Variants in ATF7IP observed in about 807,000 individuals in gnomAD.
ATF7IP encodes the protein activating transcription factor 7 interacting protein, also known as activating transcription factor 7-interacting protein 1.
A neutral mutation model predicts 106.4 loss-of-function variants in ATF7IP; 23 were observed. The ratio of observed to expected loss-of-function variants is 0.22; its 90% CI spans 0.16 to 0.31. The LOEUF is 0.31. Ranked by LOEUF, ATF7IP falls within the 10% of genes least tolerant of loss-of-function variation. ATF7IP has a pLI of 1.00. For synonymous variants in ATF7IP, 542 were observed against 539.0 expected (o/e 1.01, Z -0.08); for missense variants, 1,334 against 1,524.3 (o/e 0.88, Z 2.08).
At chr12:14,433,462 G>A (rs996015600) in intron 2 of ATF7IP, among the ~76,000 whole-genome samples, 3 of 151,978 alleles carry the variant, frequency 2.0e-5, no homozygotes, top group Non-Finnish European at 4.4e-5. Flanking sequence ...CCGAGATTGC[G>A]CTACTGTACA....
intron 13 of ATF7IP, among the ~76,000 whole-genome samples, chr12:14,494,659 A>G (rs767295078): frequency 1.5e-4 from 22 of 151,000 alleles, no homozygotes; most frequent in Middle Eastern, 3.5e-3. Context: ...TAGACTGGGC[A>G]TGGTAGCTCA....
chr12:14,478,480 TG>T lies in ATF7IP; in HGVS notation c.3097+9del. The stretch of plus-strand genomic sequence containing the variant: ...TACACTTACTACCTACAGGTAAATT[TG>T]TTGAATCATTGAGTAGAAGCTTTGG... On this transcript the variant is annotated intron_variant, in intron 12 of 14. Coordinates refer to ENST00000261168, the MANE Select transcript of ATF7IP (RefSeq NM_018179.5). 6.2e-7 allele frequency: 1 copy of T among 1,613,776 alleles called. No homozygotes were observed. Among genetic ancestry groups the T allele is most frequent in the South Asian group, 1.1e-5 (1 of 91,060 alleles).
intron 2 of ATF7IP, among the ~76,000 whole-genome samples, chr12:14,433,007 A>G (rs11615713): frequency 0.019 from 2,915 of 152,306 alleles, 59 homozygotes; most frequent in Middle Eastern, 0.078. Context: ...ATATAATTGT[A>G]TAGACATTTT....
At chr12:14,423,293 T>C (rs141909890) in intron 1 of ATF7IP, among the ~76,000 whole-genome samples, 2,361 of 152,214 alleles carry the variant, frequency 0.016, 24 homozygotes, top group Non-Finnish European at 0.019. Flanking sequence ...TATATAAATA[T>C]ATATTCTGTA....
intron 1 of ATF7IP, among the ~76,000 whole-genome samples, chr12:14,409,941 TG>T (rs1169312609): frequency 2.6e-5 from 4 of 152,146 alleles, no homozygotes. Flanking sequence ...ACAGTTCACA[TG>T]TCATACAATT....
chr12:14,442,625 AT>A (rs1942764432), intron 5 of ATF7IP, among the ~76,000 whole-genome samples: 1 of 152,210 alleles, frequency 6.6e-6, no homozygotes, highest in South Asian at 2.1e-4. Context: ...GTTAGCTAAT[AT>A]GATATTTTGA....
Position 14,498,136 on chromosome 12 carries a change from T to A in ATF7IP, c.*63T>A. On this transcript the variant is annotated 3_prime_UTR_variant, in exon 15 of 15. Coordinates refer to ENST00000261168, the MANE Select transcript of ATF7IP (RefSeq NM_018179.5). ...CACCTTTTGGTCTTGTTTTTAATCT[T>A]GTGCATGATACCCCATGTAAAATCC... 2 of 1,436,836 alleles carry A rather than the reference T, an allele frequency of 1.4e-6. No homozygotes were observed. Among genetic ancestry groups the A allele is most frequent in the Non-Finnish European group, 1.9e-6 (2 of 1,064,716 alleles). 89.0% of individuals were successfully genotyped at this position (1,436,836 alleles called of 1,614,324 possible).
At chr12:14,366,674 G>A (rs970468426) in intron 1 of ATF7IP, among the ~76,000 whole-genome samples, 1 of 152,140 alleles carries the variant, frequency 6.6e-6, no homozygotes, top group African/African-American at 2.4e-5. Context: ...GCTTCAGCTA[G>A]ATTATTGTTA....
At chr12:14,474,525 C>T (rs567247682) in intron 10 of ATF7IP, among the ~76,000 whole-genome samples, 9 of 151,694 alleles carry the variant, frequency 5.9e-5, no homozygotes, top group African/African-American at 9.7e-5. Flanking sequence ...CTCAGCCTCC[C>T]GAGTAGCTGG....
intron 1 of ATF7IP, among the ~76,000 whole-genome samples, chr12:14,407,496 A>G (rs1322811913): frequency 6.6e-6 from 1 of 151,982 alleles, no homozygotes; most frequent in Admixed American, 6.5e-5. Context: ...TGACATCTTT[A>G]GGAATTAAAA....
chr12:14,379,341 C>G (rs1408284929), intron 1 of ATF7IP, among the ~76,000 whole-genome samples: 1 of 152,162 alleles, frequency 6.6e-6, no homozygotes, highest in Non-Finnish European at 1.5e-5. Context: ...CGAGCAGATA[C>G]ACTGTACTTC....
intron 7 of ATF7IP, 118 bp downstream of exon 7, chr12:14,456,752 AC>A (rs897309916): frequency 1.4e-6 from 1 of 706,530 alleles, no homozygotes; most frequent in African/African-American, 1.8e-5. Context: ...TGTTTGGTGT[AC>A]TTGGTTAGTA....
chr12:14,496,083 G>A (rs937175271), intron 13 of ATF7IP, 148 bp from the exon 14 acceptor site: 1 of 559,460 alleles, frequency 1.8e-6, no homozygotes, highest in Non-Finnish European at 3.2e-6. Flanking sequence ...TAGCTTGGCT[G>A]AATACGAACA....
chr12:14,375,612 C>T (rs1330423838), intron 1 of ATF7IP, among the ~76,000 whole-genome samples: 1 of 152,066 alleles, frequency 6.6e-6, no homozygotes, highest in African/African-American at 2.4e-5. Flanking sequence ...GTTAGTTATA[C>T]AGTGAAGTGG....
intron 9 of ATF7IP, among the ~76,000 whole-genome samples, chr12:14,463,245 A>G (rs964793841): frequency 6.6e-6 from 1 of 152,170 alleles, no homozygotes; most frequent in Non-Finnish European, 1.5e-5. Context: ...TTAAAAGAAC[A>G]TATGCTATAT....
chr12:14,401,445 C>T (rs1638913495), intron 1 of ATF7IP, among the ~76,000 whole-genome samples: 1 of 152,192 alleles, frequency 6.6e-6, no homozygotes, highest in Non-Finnish European at 1.5e-5. Context: ...GATCCGCCTG[C>T]CTTGGCCTCC....
At chr12:14,449,961 A>G (rs1040935006) in intron 6 of ATF7IP, among the ~76,000 whole-genome samples, 1 of 151,882 alleles carries the variant, frequency 6.6e-6, no homozygotes, top group East Asian at 1.9e-4. Context: ...ATTATAAATT[A>G]TATTGTTCAT....
At chr12:14,422,671 G>A (rs1330394100) in intron 1 of ATF7IP, among the ~76,000 whole-genome samples, 1 of 152,096 alleles carries the variant, frequency 6.6e-6, no homozygotes, top group Non-Finnish European at 1.5e-5. Flanking sequence ...TTTTGTGACT[G>A]GCTTCTCTCA....
intron 10 of ATF7IP, among the ~76,000 whole-genome samples, chr12:14,474,435 C>T (rs1944178221): frequency 1.4e-5 from 2 of 140,494 alleles, no homozygotes; most frequent in Admixed American, 1.5e-4. Context: ...GAGTCTTGCT[C>T]TGCCACCTAG....
Sources: allele counts gnomAD v4.1 joint callset (sites outside exome capture counted in the v4.1 genomes callset), GRCh38; gene constraint gnomAD v4.1.1; transcripts MANE v1.5; gene names NCBI Gene and HGNC (gene_info 2026-07-23, HGNC 2026-07-21).